Variants in LARS1 observed in about 807,000 individuals in gnomAD.
LARS1 encodes leucine--tRNA ligase, cytoplasmic.
Under a neutral mutation model 162.8 loss-of-function variants are expected in LARS1, and 100 were observed. The ratio of observed to expected loss-of-function variants is 0.61; its 90% confidence interval spans 0.52 to 0.73. The LOEUF (loss-of-function observed/expected upper bound fraction) is 0.73. LARS1 is among the 30% of genes least tolerant of loss of function. The pLI, the probability that LARS1 is intolerant of heterozygous loss-of-function variation, is 0.00. For synonymous variants in LARS1, 457 were observed against 462.8 expected (o/e 0.99, Z 0.16); for missense variants, 1,258 against 1,408.9 (o/e 0.89, Z 1.71).
intron 1 of LARS1, among the ~76,000 whole-genome samples, chr5:146,179,295 G>C (rs1341482126): frequency 1.3e-5 from 2 of 152,166 alleles, no homozygotes; most frequent in Admixed American, 1.3e-4. Flanking sequence ...CCGAGCAGCT[G>C]GGATTACAGG....
chr5:146,118,172 T>C (rs1751654807), intron 31 of LARS1, among the ~76,000 whole-genome samples: 1 of 152,312 alleles, frequency 6.6e-6, no homozygotes, highest in East Asian at 1.9e-4. Flanking sequence ...AATGAAATAT[T>C]ATGCAGACAT....
Position 146,135,268 on chromosome 5 carries a change from C to T in LARS1, c.2212+333G>A, listed in dbSNP as rs534587062. Among the ~76,000 whole-genome samples the T allele has an allele frequency of 1.8e-4, 28 of 151,712 alleles. No individual in the cohort carries two copies. In the South Asian group the frequency reaches 4.2e-3, roughly 23 times the overall value. Reference sequence around the variant, plus strand: ...CTGACCTCAGGTGATACACCCACCTCGGCCTCCCAAAGTGCTGGGATTACA... The same window carrying T: ...CTGACCTCAGGTGATACACCCACCTTGGCCTCCCAAAGTGCTGGGATTACA... On this transcript the variant is annotated intron_variant, in intron 22 of 31. Transcript: ENST00000394434.
In LARS1 at chr5:146,114,033, T is replaced by C. The variant is rs1764088607; in HGVS notation, c.*73A>G. ...ATTTAGGTCCAGCCTAAGGTTCTGA[T>C]AGCCAATCAGTAGACACAATCAGAG... On this transcript the variant is annotated 3_prime_UTR_variant, in exon 32 of 32. Transcript: ENST00000394434. The C allele has an allele frequency of 1.3e-5, 15 of 1,164,336 alleles. No individual in the cohort carries two copies. The highest frequency in any genetic ancestry group is 1.7e-5 in the Admixed American group (1 of 58,878). The allele number at this position is 1,164,336 out of a possible 1,614,324, so 72.1% of individuals were successfully genotyped here.
At chr5:146,134,676 T>C (rs112251322) in intron 22 of LARS1, among the ~76,000 whole-genome samples, 30 of 152,202 alleles carry the variant, frequency 2.0e-4, no homozygotes, top group Non-Finnish European at 3.7e-4. Context: ...AGGCCAGGCA[T>C]GGTGGCTCAT....
At chr5:146,173,718 AC>A in intron 2 of LARS1, among the ~76,000 whole-genome samples, 1 of 152,194 alleles carries the variant, frequency 6.6e-6, no homozygotes, top group East Asian at 1.9e-4. Context: ...TTGTAAACAC[AC>A]CATCTGACTT....
intron 31 of LARS1, among the ~76,000 whole-genome samples, chr5:146,116,319 T>C (rs1206740300): frequency 6.6e-6 from 1 of 152,214 alleles, no homozygotes; most frequent in African/African-American, 2.4e-5. Flanking sequence ...ATTTTATGCA[T>C]AAGGCCTTTT....
chr5:146,170,603 T>C (rs550023063), intron 4 of LARS1, among the ~76,000 whole-genome samples: 10 of 152,246 alleles, frequency 6.6e-5, no homozygotes, highest in African/African-American at 2.2e-4. Flanking sequence ...ACTCTGATAA[T>C]GTAGAAGAAT....
intron 23 of LARS1, chr5:146,132,668 G>C (rs951659499): frequency 8.5e-6 from 3 of 353,288 alleles, no homozygotes; most frequent in Non-Finnish European, 1.5e-5. Context: ...TTATAAAATA[G>C]AGCTAATAAT....
intron 14 of LARS1, among the ~76,000 whole-genome samples, chr5:146,151,061 A>G (rs977800741): frequency 1.1e-4 from 17 of 152,056 alleles, no homozygotes; most frequent in Non-Finnish European, 2.2e-4. Context: ...TCTCAAGTAA[A>G]TCAGTTAATA....
chr5:146,139,555 C>G (rs1752669188), intron 21 of LARS1: 1 of 152,132 alleles, frequency 6.6e-6, no homozygotes, highest in Non-Finnish European at 1.5e-5. Context: ...ATACTATCTA[C>G]TCCCCTTGCT....
In LARS1 at chr5:146,143,536, A is replaced by C. The variant is rs1232073002; in HGVS notation, c.1753T>G (p.Trp585Gly). The change falls in exon 19 of 32, where the codon TGG (tryptophan) becomes GGG (glycine). Residue 585 changes from tryptophan to glycine, a missense_variant. Coordinates refer to ENST00000394434, the MANE Select transcript of LARS1 (RefSeq NM_020117.11). ...RTYGLGTHLP[W>G]DEQWLIESLS... is the part of the protein sequence containing the mutation. ...GATTCAATCAGCCACTGCTCATCCC[A>C]AGGCAGGTGAGTGCCTGAAAAATAA... 1 of 1,613,682 alleles carries C rather than the reference A, an allele frequency of 6.2e-7. No homozygotes were observed. Among genetic ancestry groups the C allele is most frequent in the Non-Finnish European group, 8.5e-7 (1 of 1,179,716 alleles).
At chr5:146,162,313 A>G (rs950531101) in intron 6 of LARS1, among the ~76,000 whole-genome samples, 3 of 152,340 alleles carry the variant, frequency 2.0e-5, no homozygotes, top group Non-Finnish European at 2.9e-5. Context: ...GGACTGCAGA[A>G]TGAATGTTGT....
chr5:146,129,252 T>C (rs1752174929), intron 25 of LARS1, 134 bp from the exon 26 acceptor site: 1 of 669,868 alleles, frequency 1.5e-6, no homozygotes. Context: ...TGACTACACA[T>C]AACACACTTG....
In LARS1 at chr5:146,168,262, A is replaced by T. The variant is rs756569019; in HGVS notation, c.298T>A (p.Cys100Ser). Residue 100 changes from cysteine to serine, a missense_variant, in exon 5 of 32, where the codon TGT becomes AGT. Transcript: ENST00000394434. ...LHCTGMPIKACADKLKREIEL... is the reference protein window; with the variant it reads ...LHCTGMPIKASADKLKREIEL... ...ATTTCTCTTTTCAACTTATCAGCAC[A>T]TGCCTACAACGAATATTAGAGATAA... The T allele has an allele frequency of 5.6e-6, 9 of 1,606,276 alleles. No individual in the cohort carries two copies. The East Asian group carries it at 1.8e-4, about 32-fold the overall frequency.
At position 146,113,739 on chromosome 5, in the gene LARS1, A is replaced by G. The variant is rs182725018; in HGVS notation, c.*367T>C. 1.3e-3 allele frequency: 221 copies of G among 168,524 alleles called. 1 individual carries two copies. Among genetic ancestry groups the G allele is most frequent in the African/African-American group, 5.0e-3 (212 of 42,064 alleles). 10.4% of individuals were successfully genotyped at this position (168,524 alleles called of 1,614,324 possible). ...AGCTAACTCCATAAATGAATATACT[A>G]TAAAAAGCTGTTAGGTACACCTTAG... On this transcript the variant is annotated 3_prime_UTR_variant, in exon 32 of 32. Transcript: ENST00000394434.
chr5:146,147,630 A>G (rs1753072641), intron 15 of LARS1, among the ~76,000 whole-genome samples: 1 of 152,200 alleles, frequency 6.6e-6, no homozygotes, highest in Admixed American at 6.5e-5. Context: ...AGAAAAGCTC[A>G]GGAAGAAAAT....
intron 22 of LARS1, among the ~76,000 whole-genome samples, chr5:146,135,155 C>T (rs1752450018): frequency 2.0e-5 from 3 of 151,940 alleles, no homozygotes; most frequent in Admixed American, 2.0e-4. Flanking sequence ...CAGGCACCTG[C>T]CACCACACCC....
intron 1 of LARS1, 55 bp downstream of exon 1, chr5:146,182,433 G>C (rs149347386): frequency 2.5e-6 from 4 of 1,611,708 alleles, no homozygotes; most frequent in Non-Finnish European, 3.4e-6. Flanking sequence ...AGAGCCCCTA[G>C]AGACTGGCCA....
intron 21 of LARS1, among the ~76,000 whole-genome samples, chr5:146,137,261 C>A (rs761768515): frequency 6.6e-6 from 1 of 152,178 alleles, no homozygotes; most frequent in Non-Finnish European, 1.5e-5. Flanking sequence ...CATTGCTATT[C>A]TGTTGGTTAC....
Sources: allele counts gnomAD v4.1 joint callset (sites outside exome capture counted in the v4.1 genomes callset), GRCh38; gene constraint gnomAD v4.1.1; transcripts MANE v1.5; gene names NCBI Gene and HGNC (gene_info 2026-07-23, HGNC 2026-07-21).